Variants in OGA observed in about 807,000 individuals in gnomAD.
OGA encodes O-GlcNAcase.
A neutral mutation model predicts 102.0 loss-of-function variants in OGA; 21 were observed. The observed-to-expected ratio is 0.21, with a 90% CI of 0.15 to 0.30. The LOEUF is 0.30. OGA is among the 10% of genes least tolerant of loss of function. The pLI is 1.00. For missense variants in OGA, 765 were observed against 1,107.8 expected (o/e 0.69, Z 4.39); for synonymous variants, 408 against 378.2 (o/e 1.08, Z -0.91).
intron 10 of OGA, among the ~76,000 whole-genome samples, chr10:101,795,035 T>C (rs921011030): frequency 5.3e-5 from 8 of 152,200 alleles, no homozygotes; most frequent in African/African-American, 9.7e-5. Flanking sequence ...TGGTTTGTCA[T>C]TTTTCAAGGG....
chr10:101,818,299 T>C lies in OGA; in HGVS notation c.-277A>G. 1.6e-6 allele frequency: 2 copies of C among 1,224,534 alleles called. No homozygotes were observed. Among genetic ancestry groups the C allele is most frequent in the Non-Finnish European group, 2.0e-6 (2 of 977,880 alleles). 75.9% of individuals were successfully genotyped at this position (1,224,534 alleles called of 1,614,324 possible). A position where few individuals can be genotyped will look rare whatever the true frequency, so the allele number is the denominator to read the frequency against. ...GGAGAGCGAGGCTGTGACCTCTCGTTCCCTGGAAGAAGACGGCCAAGGGTC... is the reference window on the plus strand; with the variant it reads ...GGAGAGCGAGGCTGTGACCTCTCGTCCCCTGGAAGAAGACGGCCAAGGGTC... On this transcript the variant is annotated 5_prime_UTR_variant, in exon 1 of 16. Coordinates refer to ENST00000361464, the MANE Select transcript of OGA (RefSeq NM_012215.5).
intron 10 of OGA, chr10:101,797,751 A>T (rs1304829355): frequency 1.7e-6 from 1 of 595,938 alleles, no homozygotes; most frequent in African/African-American, 1.9e-5. Flanking sequence ...CATACTTTTA[A>T]GATACTTATG....
intron 10 of OGA, 41 bp downstream of exon 10, chr10:101,797,939 C>T: frequency 1.9e-6 from 3 of 1,578,056 alleles, no homozygotes; most frequent in Non-Finnish European, 2.6e-6. Context: ...TTTAAAGGGA[C>T]AATATATTTG....
chr10:101,807,459 T>C (rs1034820023), intron 5 of OGA, among the ~76,000 whole-genome samples: 1 of 152,216 alleles, frequency 6.6e-6, no homozygotes, highest in Non-Finnish European at 1.5e-5. Flanking sequence ...AGTTTTCATT[T>C]CAATACTATC....
intron 1 of OGA, 125 bp downstream of exon 1, chr10:101,817,699 G>T: frequency 9.2e-7 from 1 of 1,092,872 alleles, no homozygotes; most frequent in Non-Finnish European, 1.3e-6. Flanking sequence ...CCTCGCTTTA[G>T]GAGGGCCACA....
At position 101,792,877 on chromosome 10, in the gene OGA, T is replaced by G. The variant is rs755253435; in HGVS notation, c.2137A>C (p.Lys713Gln). ...FQPPPLTPTS[K>Q]VYTIRPYFPK... ...AAATAAGGTCTGATAGTATAAACTT[T>G]GGAGGTAGGAGTCAGTGGAGGTGGC... Residue 713 changes from lysine (K) to glutamine (Q), a missense_variant, in exon 12 of 16, where the codon AAA becomes CAA. Transcript: ENST00000361464. 9.9e-6 allele frequency: 16 copies of G among 1,612,904 alleles called. No individual in the cohort carries two copies. Among genetic ancestry groups the G allele is most frequent in the Non-Finnish European group, 8.5e-7 (1 of 1,179,014 alleles).
At chr10:101,791,509 A>AGT (rs1246762734) in intron 12 of OGA, 70 bp from the exon 13 acceptor site, 1 of 1,295,044 alleles carries the variant, frequency 7.7e-7, no homozygotes, top group Non-Finnish European at 1.1e-6. Context: ...ATAACTCACA[A>AGT]GTCAGTCTGG....
At chr10:101,790,486 G>A (rs529431383) in intron 14 of OGA, among the ~76,000 whole-genome samples, 1 of 151,772 alleles carries the variant, frequency 6.6e-6, no homozygotes, top group Non-Finnish European at 1.5e-5. Context: ...CACGTTGGCC[G>A]GGCTGGTCTT....
chr10:101,802,316 T>C (rs2065403507), intron 7 of OGA, among the ~76,000 whole-genome samples: 1 of 152,202 alleles, frequency 6.6e-6, no homozygotes, highest in Admixed American at 6.5e-5. Context: ...ATTAAACTAT[T>C]ACAACACTTA....
rs1307131884 is a variant in OGA, at chr10:101,786,284, G to A, written c.*167C>T. 3.4e-6 allele frequency: 2 copies of A among 593,456 alleles called. No homozygotes were observed. Among genetic ancestry groups the A allele is most frequent in the South Asian group, 4.2e-5 (1 of 23,540 alleles). 36.8% of individuals were successfully genotyped at this position (593,456 alleles called of 1,614,324 possible). A position where few individuals can be genotyped will look rare whatever the true frequency, so the allele number is the denominator to read the frequency against. On this transcript the variant is annotated 3_prime_UTR_variant, in exon 16 of 16. Transcript: ENST00000361464. ...CTGCAATACTATATTCTTCCAACCA[G>A]TGAGTAGTCTCAAAGTGTGATGGGT...
At chr10:101,798,184 A>T (rs1564643162) in intron 9 of OGA, 30 bp from the exon 10 acceptor site, 1 of 1,602,616 alleles carries the variant, frequency 6.2e-7, no homozygotes, top group Admixed American at 1.7e-5. Context: ...AGACTCAAAA[A>T]ACTGTAAGCT....
intron 5 of OGA, among the ~76,000 whole-genome samples, chr10:101,806,940 G>C (rs927909408): frequency 1.3e-5 from 2 of 152,082 alleles, no homozygotes; most frequent in African/African-American, 4.8e-5. Context: ...CAGTTTTATA[G>C]CCCGGTCTCT....
In OGA at chr10:101,785,307, AGT is replaced by A. The variant is rs2065181316; in HGVS notation, c.*1142_*1143del. The A allele has an allele frequency of 6.6e-6, 1 of 152,362 alleles. No homozygotes were observed. Among genetic ancestry groups the A allele is most frequent in the Non-Finnish European group, 1.5e-5 (1 of 68,046 alleles). 9.4% of individuals were successfully genotyped at this position (152,362 alleles called of 1,614,324 possible). On this transcript the variant is annotated 3_prime_UTR_variant, in exon 16 of 16. Coordinates refer to ENST00000361464, the MANE Select transcript of OGA (RefSeq NM_012215.5). ...AAGGTAACTGTAAATAACTGGTTAA[AGT>A]GTGCTCATTCATTCAGAAATTAGAT...
intron 7 of OGA, among the ~76,000 whole-genome samples, chr10:101,800,771 CT>C (rs771355527): frequency 0.073 from 8,611 of 117,564 alleles, 114 homozygotes; most frequent in Middle Eastern, 0.18. Context: ...CTTGTAACTT[CT>C]TTTTTTTTTT....
rs1355201742 is a variant in OGA at position 101,817,912 on chromosome 10, G to C, written c.111C>G (p.Pro37=). 4 of 1,572,102 alleles carry C rather than the reference G, an allele frequency of 2.5e-6. No individual in the cohort carries two copies. Among genetic ancestry groups the C allele is most frequent in the East Asian group, 2.4e-5 (1 of 42,188 alleles). The change falls in exon 1 of 16, where the codon CCC becomes CCG. Residue 37 remains proline, a synonymous_variant. Transcript: ENST00000361464. The part of the protein sequence containing the change: ...ASLEPPAAPA[P]GEDNPAGAGG... ...CAGCCCCGGCGGGGTTGTCTTCTCC[G>C]GGTGCCGGAGCTGCCGGCGGCTCCA...
intron 6 of OGA, among the ~76,000 whole-genome samples, chr10:101,804,324 G>A (rs2135068758): frequency 6.8e-6 from 1 of 147,972 alleles, no homozygotes; most frequent in South Asian, 2.1e-4. Context: ...CCAGGCTGGA[G>A]TACAGTGGTG....
chr10:101,811,362 C>G (rs71471215), intron 3 of OGA, among the ~76,000 whole-genome samples: 3 of 132,960 alleles, frequency 2.3e-5, no homozygotes, highest in African/African-American at 8.6e-5. Flanking sequence ...GCACCCCAGT[C>G]TGGACGACAC....
intron 5 of OGA, 23 bp downstream of exon 5, chr10:101,807,707 T>C (rs774361959): frequency 3.0e-5 from 44 of 1,485,294 alleles, no homozygotes; most frequent in Non-Finnish European, 3.8e-5. Flanking sequence ...ACTAGTTAAA[T>C]GTAAAGCCAT....
chr10:101,788,946 T>C (rs1365342685), intron 14 of OGA, among the ~76,000 whole-genome samples: 2 of 152,312 alleles, frequency 1.3e-5, no homozygotes, highest in East Asian at 3.9e-4. Context: ...AAATCTAAAA[T>C]CATTTAAAAT....
Sources: allele counts gnomAD v4.1 joint callset (sites outside exome capture counted in the v4.1 genomes callset), GRCh38; gene constraint gnomAD v4.1.1; transcripts MANE v1.5; gene names NCBI Gene and HGNC (gene_info 2026-07-23, HGNC 2026-07-21).